Variants in CPNE4 observed in about 807,000 individuals in gnomAD.
The protein encoded by CPNE4 is copine-4.
In CPNE4, 25 loss-of-function variants were observed where a neutral mutation model predicts 67.9. The ratio of observed to expected loss-of-function variants is 0.37; its 90% confidence interval spans 0.27 to 0.51. The LOEUF is 0.51. Among genes scored for constraint, CPNE4 ranks in the 20% least tolerant of loss-of-function variants. CPNE4 has a pLI of 0.93. For missense variants in CPNE4, 464 were observed against 690.8 expected (o/e 0.67, Z 3.68); for synonymous variants, 242 against 244.9 (o/e 0.99, Z 0.11).
chr3:131,857,771 C>T (rs2086509185), intron 2 of CPNE4, among the ~76,000 whole-genome samples: 1 of 151,994 alleles, frequency 6.6e-6, no homozygotes, highest in South Asian at 2.1e-4. Context: ...CCCATCCTTT[C>T]TGCTGCTCAA....
intron 2 of CPNE4, among the ~76,000 whole-genome samples, chr3:131,729,541 A>C (rs1162395834): frequency 1.3e-5 from 2 of 152,220 alleles, no homozygotes; most frequent in African/African-American, 4.8e-5. Flanking sequence ...CTGTAGCTGC[A>C]ACAAACAAGT....
intron 1 of CPNE4, among the ~76,000 whole-genome samples, chr3:131,986,867 CAAAA>C (rs112652096): frequency 7.4e-6 from 1 of 134,674 alleles, no homozygotes; most frequent in Non-Finnish European, 1.6e-5. Flanking sequence ...AACAAACAAA[CAAAA>C]AAAAAAAAAC....
chr3:131,639,069 AC>A (rs1235789033), intron 7 of CPNE4, among the ~76,000 whole-genome samples: 1 of 152,134 alleles, frequency 6.6e-6, no homozygotes, highest in African/African-American at 2.4e-5. Flanking sequence ...CTGAAAGAGC[AC>A]AAATAGACAA....
intron 1 of CPNE4, chr3:132,017,457 T>C (rs1204274596): frequency 6.6e-6 from 1 of 152,156 alleles, no homozygotes; most frequent in African/African-American, 2.4e-5. Context: ...AGTCTTACCC[T>C]TGTATTTCTG....
chr3:131,670,773 C>T (rs1582994980), intron 6 of CPNE4, among the ~76,000 whole-genome samples: 2 of 151,844 alleles, frequency 1.3e-5, no homozygotes, highest in African/African-American at 4.8e-5. Context: ...ATTGATTTTT[C>T]TACTTAGGAA....
chr3:131,592,072 A>G (rs886879338), intron 7 of CPNE4, among the ~76,000 whole-genome samples: 2 of 152,194 alleles, frequency 1.3e-5, no homozygotes, highest in Non-Finnish European at 2.9e-5. Flanking sequence ...AGAAAAGAAA[A>G]TTGATGACAG....
intron 7 of CPNE4, chr3:131,620,411 C>A (rs754379350): frequency 8.2e-6 from 8 of 977,496 alleles, no homozygotes; most frequent in Non-Finnish European, 8.5e-6. Flanking sequence ...AATAGTGAGC[C>A]ATTTTCCTTG....
intron 7 of CPNE4, among the ~76,000 whole-genome samples, chr3:131,651,405 C>T (rs1553746044): frequency 1.3e-5 from 2 of 152,162 alleles, no homozygotes; most frequent in Admixed American, 1.3e-4. Flanking sequence ...TTCCTTTTTC[C>T]TTTCATTACT....
intron 1 of CPNE4, among the ~76,000 whole-genome samples, chr3:131,907,302 A>C (rs1305285518): frequency 1.3e-5 from 2 of 152,106 alleles, no homozygotes; most frequent in Non-Finnish European, 2.9e-5. Flanking sequence ...GGCTTCCTCA[A>C]CCTCACATGG....
intron 9 of CPNE4, among the ~76,000 whole-genome samples, chr3:131,578,351 G>C (rs1174794561): frequency 1.3e-5 from 2 of 152,076 alleles, no homozygotes; most frequent in Non-Finnish European, 2.9e-5. Flanking sequence ...GATAAGTGTT[G>C]TGTGTGTTCT....
At chr3:131,875,217 C>G (rs58392570) in intron 2 of CPNE4, among the ~76,000 whole-genome samples, 1 of 151,740 alleles carries the variant, frequency 6.6e-6, no homozygotes, top group Non-Finnish European at 1.5e-5. Context: ...GATACATTAT[C>G]ACTTAAAAAA....
intron 14 of CPNE4, among the ~76,000 whole-genome samples, chr3:131,546,105 T>C (rs917755753): frequency 1.3e-5 from 2 of 151,860 alleles, no homozygotes; most frequent in Admixed American, 1.3e-4. Flanking sequence ...AAAAAACCAC[T>C]TCTGAGAAGG....
intron 1 of CPNE4, among the ~76,000 whole-genome samples, chr3:131,943,911 T>C (rs1365104127): frequency 6.6e-6 from 1 of 152,120 alleles, no homozygotes; most frequent in Non-Finnish European, 1.5e-5. Flanking sequence ...TGCAGAAGTT[T>C]TTCTGAGGGC....
At chr3:131,563,520 G>A (rs1219916620) in intron 11 of CPNE4, among the ~76,000 whole-genome samples, 1 of 152,004 alleles carries the variant, frequency 6.6e-6, no homozygotes, top group African/African-American at 2.4e-5. Context: ...CATCAAGTAA[G>A]AATAAATAGA....
At chr3:131,695,998 T>C (rs536138229) in intron 5 of CPNE4, among the ~76,000 whole-genome samples, 1 of 152,340 alleles carries the variant, frequency 6.6e-6, no homozygotes, top group South Asian at 2.1e-4. Flanking sequence ...ATATGCCTTT[T>C]TTCCAGCACC....
chr3:131,636,444 T>C (rs2079388410), intron 7 of CPNE4, among the ~76,000 whole-genome samples: 1 of 152,062 alleles, frequency 6.6e-6, no homozygotes, highest in African/African-American at 2.4e-5. Context: ...ATAACTCCAA[T>C]GGACTGGGAA....
At chr3:131,801,450 G>GTATATATATATATATATA (rs1233533120) in intron 2 of CPNE4, among the ~76,000 whole-genome samples, 1 of 39,576 alleles carries the variant, frequency 2.5e-5, no homozygotes, top group African/African-American at 8.8e-5. Context: ...GTGTGTGTGT[G>GTATATATATATATATATA]TGTATATATA....
intron 1 of CPNE4, among the ~76,000 whole-genome samples, chr3:131,987,012 G>A (rs1054041882): frequency 6.6e-6 from 1 of 152,112 alleles, no homozygotes; most frequent in African/African-American, 2.4e-5. Context: ...TCTGGAAGTG[G>A]TACTTAGGCA....
chr3:131,961,590 A>G (rs188333253), intron 1 of CPNE4, among the ~76,000 whole-genome samples: 14 of 152,280 alleles, frequency 9.2e-5, no homozygotes, highest in Admixed American at 7.8e-4. Context: ...TTCATCCAAT[A>G]TATTACCCCC....
Sources: allele counts gnomAD v4.1 joint callset (sites outside exome capture counted in the v4.1 genomes callset), GRCh38; gene constraint gnomAD v4.1.1; transcripts MANE v1.5; gene names NCBI Gene and HGNC (gene_info 2026-07-23, HGNC 2026-07-21).